SEMA3C: variants seen among roughly 807,000 people sequenced by gnomAD.
The protein encoded by SEMA3C is semaphorin 3C.
SEMA3C carries 47 observed loss-of-function variants against 89.4 expected under a neutral mutation model. The ratio of observed to expected loss-of-function variants is 0.53; its 90% CI spans 0.42 to 0.67. The LOEUF is 0.67. Ranked by LOEUF, SEMA3C falls within the 30% of genes least tolerant of loss-of-function variation. SEMA3C has a pLI of 0.00. For synonymous variants in SEMA3C, 310 were observed against 320.2 expected (o/e 0.97, Z 0.34); for missense variants, 839 against 929.1 (o/e 0.90, Z 1.26).
chr7:80,918,804 C>A, intron 1 of SEMA3C, 24 bp downstream of exon 1: 2 of 985,076 alleles, frequency 2.0e-6, no homozygotes, highest in Non-Finnish European at 2.4e-6. Flanking sequence ...ATCTGTAATG[C>A]GGAAAATGAC....
intron 2 of SEMA3C, among the ~76,000 whole-genome samples, chr7:80,873,193 T>G (rs1442016411): frequency 6.6e-6 from 1 of 151,688 alleles, no homozygotes; most frequent in East Asian, 1.9e-4. Flanking sequence ...GCTGGAAAAA[T>G]GGAGAACTTG....
chr7:80,812,840 G>A (rs1789500575), intron 5 of SEMA3C, among the ~76,000 whole-genome samples: 1 of 152,056 alleles, frequency 6.6e-6, no homozygotes, highest in African/African-American at 2.4e-5. Flanking sequence ...GGGCTGAAGT[G>A]CAGTGGTGCG....
At chr7:80,906,113 T>C (rs769376837) in intron 2 of SEMA3C, among the ~76,000 whole-genome samples, 7 of 152,204 alleles carry the variant, frequency 4.6e-5, no homozygotes, top group Non-Finnish European at 7.3e-5. Flanking sequence ...CAATTCTAAC[T>C]AGATTTTCCT....
intron 2 of SEMA3C, among the ~76,000 whole-genome samples, chr7:80,905,500 T>G (rs943772884): frequency 6.6e-6 from 1 of 152,050 alleles, no homozygotes; most frequent in Non-Finnish European, 1.5e-5. Flanking sequence ...CAGGCACTGT[T>G]GGGAATTTGG....
At chr7:80,750,473 T>TATATATATATATATACACAC (rs869227686) in intron 16 of SEMA3C, among the ~76,000 whole-genome samples, 1 of 55,436 alleles carries the variant, frequency 1.8e-5, no homozygotes. Context: ...TATATATATA[T>TATATATATATATATACACAC]ACACACACAC....
At chr7:80,820,311 C>T (rs1011609366) in intron 4 of SEMA3C, among the ~76,000 whole-genome samples, 12 of 151,916 alleles carry the variant, frequency 7.9e-5, no homozygotes, top group South Asian at 2.1e-4. Context: ...CCACCCGCCT[C>T]GGCCTCCCAA....
chr7:80,761,786 A>C lies in SEMA3C; in HGVS notation c.1444-129T>G, dbSNP rs1451516899. On this transcript the variant is annotated intron_variant, in intron 13 of 17. Coordinates refer to ENST00000265361, the MANE Select transcript of SEMA3C (RefSeq NM_006379.5). ...TTATATATACATCTACTTTAAAATTACTTGTTATATAAAATACATTTGCAT... is the reference window on the plus strand; with the variant it reads ...TTATATATACATCTACTTTAAAATTCCTTGTTATATAAAATACATTTGCAT... The C allele has an allele frequency of 3.7e-5, 20 of 542,704 alleles. No individual in the cohort carries two copies. The Admixed American group carries it at 7.6e-4, about 21-fold the overall frequency. 33.6% of individuals were successfully genotyped at this position (542,704 alleles called of 1,614,324 possible).
chr7:80,922,205 C>G (rs953556769), upstream of SEMA3C: 7 of 1,255,160 alleles, frequency 5.6e-6, no homozygotes, highest in Non-Finnish European at 6.3e-6. Flanking sequence ...GGAAGAGAAA[C>G]TCAAGCGTGA....
chr7:80,802,191 C>T (rs1181666099), intron 9 of SEMA3C, among the ~76,000 whole-genome samples: 2 of 152,058 alleles, frequency 1.3e-5, no homozygotes, highest in African/African-American at 4.8e-5. Flanking sequence ...ATCTCAGAGT[C>T]ACCAAGCAGA....
intron 13 of SEMA3C, 32 bp downstream of exon 13, chr7:80,765,123 T>A (rs769211611): frequency 6.9e-7 from 1 of 1,456,634 alleles, no homozygotes; most frequent in Non-Finnish European, 9.6e-7. Context: ...TCATCATGCA[T>A]GTTCTGAGAT....
At chr7:80,845,215 A>T (rs1790361627) in intron 2 of SEMA3C, among the ~76,000 whole-genome samples, 1 of 152,062 alleles carries the variant, frequency 6.6e-6, no homozygotes, top group Admixed American at 6.6e-5. Context: ...TGAGGCTAAA[A>T]CTGACAGGAA....
intron 10 of SEMA3C, among the ~76,000 whole-genome samples, chr7:80,800,473 T>C (rs963202693): frequency 1.3e-5 from 2 of 152,218 alleles, no homozygotes; most frequent in African/African-American, 4.8e-5. Context: ...AATTATTTTA[T>C]TGAAAAAATC....
intron 2 of SEMA3C, among the ~76,000 whole-genome samples, chr7:80,903,138 T>C (rs1171898986): frequency 6.6e-6 from 1 of 152,226 alleles, no homozygotes; most frequent in African/African-American, 2.4e-5. Context: ...AGGTATGTTC[T>C]GAGTCATTAG....
chr7:80,754,201 T>A (rs548757097), intron 15 of SEMA3C, among the ~76,000 whole-genome samples: 1 of 152,324 alleles, frequency 6.6e-6, no homozygotes, highest in South Asian at 2.1e-4. Flanking sequence ...CCTCGCAAAG[T>A]GCTGGGATTA....
intron 2 of SEMA3C, 95 bp downstream of exon 2, chr7:80,916,584 C>A: frequency 9.4e-7 from 1 of 1,058,800 alleles, no homozygotes; most frequent in Non-Finnish European, 1.3e-6. Context: ...AATTAATATC[C>A]AGTAATATTT....
chr7:80,761,573 A>G, intron 14 of SEMA3C, 43 bp downstream of exon 14: 1 of 1,057,936 alleles, frequency 9.5e-7, no homozygotes. Flanking sequence ...ATAACAACAA[A>G]ACATTTCAAT....
chr7:80,906,700 CAGA>C (rs1562980020), intron 2 of SEMA3C, among the ~76,000 whole-genome samples: 2 of 152,034 alleles, frequency 1.3e-5, no homozygotes, highest in East Asian at 3.9e-4. Flanking sequence ...AGGTAGATGT[CAGA>C]AGAAATATAC....
At chr7:80,918,182 T>C (rs1792322649) in intron 1 of SEMA3C, 2 of 152,208 alleles carry the variant, frequency 1.3e-5, no homozygotes. Context: ...TACCCCTTGG[T>C]TCTGTTGACT....
At chr7:80,845,109 T>C (rs1018058084) in intron 2 of SEMA3C, among the ~76,000 whole-genome samples, 2 of 152,112 alleles carry the variant, frequency 1.3e-5, no homozygotes, top group South Asian at 4.1e-4. Flanking sequence ...CCCCCTCCAC[T>C]GTTTACAAAG....
Sources: gnomAD v4.1 joint callset for allele counts (sites outside exome capture counted in the v4.1 genomes callset) on GRCh38, gnomAD v4.1.1 for gene constraint, MANE v1.5 for transcripts, NCBI Gene and HGNC (gene_info 2026-07-23, HGNC 2026-07-21) for gene names.